Variants in MBNL2 observed in about 807,000 individuals in gnomAD.
The protein encoded by MBNL2 is muscleblind-like protein 2.
In MBNL2, 17 loss-of-function variants were observed where a neutral mutation model predicts 41.9. The observed-to-expected ratio is 0.41, with a 90% CI of 0.28 to 0.61. The LOEUF (loss-of-function observed/expected upper bound fraction) is 0.61, where lower values mean the gene tolerates loss of function less well. MBNL2 is among the 20% of genes least tolerant of loss of function. MBNL2 has a pLI of 0.35. For synonymous variants in MBNL2, 195 were observed against 182.9 expected, an observed-to-expected ratio of 1.07 and a Z score of -0.53; for missense variants, 336 against 505.6, an observed-to-expected ratio of 0.66 and a Z score of 3.22.
intron 3 of MBNL2, among the ~76,000 whole-genome samples, chr13:97,339,684 A>T (rs1296183203): frequency 1.3e-5 from 2 of 151,928 alleles, no homozygotes; most frequent in African/African-American, 4.8e-5. Flanking sequence ...GTTGGCCGAG[A>T]TTCTACCTCG....
At chr13:97,231,979 C>T (rs914012269) in intron 1 of MBNL2, among the ~76,000 whole-genome samples, 3 of 152,126 alleles carry the variant, frequency 2.0e-5, no homozygotes, top group South Asian at 2.1e-4. Context: ...ATGTAGATAG[C>T]GCCATTCTCT....
At chr13:97,358,152 C>G (rs9556710) in intron 7 of MBNL2, among the ~76,000 whole-genome samples, 25,259 of 152,126 alleles carry the variant, frequency 0.17, 3,596 homozygotes, top group African/African-American at 0.38. Context: ...GTATATAGAG[C>G]TCTTATCCTC....
chr13:97,293,868 C>T (rs1395982906), intron 2 of MBNL2, among the ~76,000 whole-genome samples: 3 of 151,992 alleles, frequency 2.0e-5, no homozygotes, highest in East Asian at 3.9e-4. Context: ...AAGTTCTTTA[C>T]TGGTGATTTG....
the MBNL2 span, among the ~76,000 whole-genome samples, chr13:97,209,788 CTTTTTA>C: frequency 4.6e-5 from 7 of 152,164 alleles, no homozygotes; most frequent in East Asian, 5.8e-4. Flanking sequence ...ACACTGACTT[CTTTTTA>C]TTTTTATTTT....
At chr13:97,169,582 G>A in the MBNL2 span, among the ~76,000 whole-genome samples, 2 of 152,158 alleles carry the variant, frequency 1.3e-5, no homozygotes, top group African/African-American at 2.4e-5. Context: ...AAAGCGTTTT[G>A]TGTTTCTAAA....
chr13:97,176,753 C>A, the MBNL2 span, among the ~76,000 whole-genome samples: 1 of 152,144 alleles, frequency 6.6e-6, no homozygotes, highest in Non-Finnish European at 1.5e-5. Flanking sequence ...CCTTAATAGC[C>A]TTTTCCTACC....
chr13:97,284,034 C>T (rs1160764980), intron 2 of MBNL2, among the ~76,000 whole-genome samples: 1 of 152,152 alleles, frequency 6.6e-6, no homozygotes, highest in Non-Finnish European at 1.5e-5. Flanking sequence ...CAGCAAGATG[C>T]CTACATTCTA....
chr13:97,249,136 G>A (rs4771987), intron 1 of MBNL2, among the ~76,000 whole-genome samples: 72,367 of 152,084 alleles, frequency 0.48, 21,048 homozygotes, highest in Non-Finnish European at 0.62. Flanking sequence ...TATATGATAT[G>A]CCTACTATAT....
chr13:97,151,769 G>T, the MBNL2 span, among the ~76,000 whole-genome samples: 3 of 152,126 alleles, frequency 2.0e-5, no homozygotes, highest in African/African-American at 7.2e-5. Flanking sequence ...TGTTTAAGCA[G>T]CCAGGATAAT....
chr13:97,207,317 G>A, the MBNL2 span, among the ~76,000 whole-genome samples: 4 of 152,248 alleles, frequency 2.6e-5, no homozygotes, highest in East Asian at 3.9e-4. Flanking sequence ...GTATTAGTCC[G>A]TTTTCATGCT....
At chr13:97,281,909 C>T (rs1437809113) in intron 2 of MBNL2, among the ~76,000 whole-genome samples, 4 of 152,200 alleles carry the variant, frequency 2.6e-5, no homozygotes, top group African/African-American at 9.7e-5. Context: ...GGCCTCACTC[C>T]AGGTAAGTGT....
At chr13:97,323,552 A>G (rs1471778231) in intron 2 of MBNL2, among the ~76,000 whole-genome samples, 1 of 152,212 alleles carries the variant, frequency 6.6e-6, no homozygotes, top group Admixed American at 6.5e-5. Flanking sequence ...TAAAGTATAT[A>G]GGAAGATGTG....
the MBNL2 span, among the ~76,000 whole-genome samples, chr13:97,215,073 C>A: frequency 1.2e-4 from 19 of 152,332 alleles, no homozygotes; most frequent in South Asian, 3.3e-3. Flanking sequence ...ATAGGCTTCG[C>A]CCCCATCTCC....
chr13:97,286,440 G>C (rs2054457306), intron 2 of MBNL2, among the ~76,000 whole-genome samples: 1 of 152,110 alleles, frequency 6.6e-6, no homozygotes, highest in African/African-American at 2.4e-5. Flanking sequence ...GACCACCCCA[G>C]TCCAAACCAC....
At chr13:97,337,062 T>C (rs754150670) in intron 3 of MBNL2, among the ~76,000 whole-genome samples, 2 of 152,144 alleles carry the variant, frequency 1.3e-5, no homozygotes, top group South Asian at 2.1e-4. Flanking sequence ...AAAATTCACG[T>C]TGAGTCCTAA....
chr13:97,212,725 A>G, the MBNL2 span, among the ~76,000 whole-genome samples: 1 of 152,214 alleles, frequency 6.6e-6, no homozygotes, highest in Non-Finnish European at 1.5e-5. Context: ...TGCTTGACTC[A>G]GTATAATCAC....
intron 1 of MBNL2, among the ~76,000 whole-genome samples, chr13:97,250,943 A>G (rs927420697): frequency 2.0e-5 from 3 of 152,054 alleles, no homozygotes; most frequent in Non-Finnish European, 4.4e-5. Context: ...TCTCCAGCCA[A>G]CTTTTTCTTT....
chr13:97,190,574 G>A, the MBNL2 span, among the ~76,000 whole-genome samples: 1 of 152,124 alleles, frequency 6.6e-6, no homozygotes, highest in Non-Finnish European at 1.5e-5. Flanking sequence ...AGGTCAAAAG[G>A]CTATAATTTT....
chr13:97,218,445 A>AAAAAAAAAC (rs2040592007), upstream of MBNL2, among the ~76,000 whole-genome samples: 1 of 69,362 alleles, frequency 1.4e-5, no homozygotes, highest in Non-Finnish European at 3.7e-5. Context: ...CAAAACAAAA[A>AAAAAAAAAC]AAAAAAACTG....
Sources: gnomAD v4.1 joint callset for allele counts (sites outside exome capture counted in the v4.1 genomes callset) on GRCh38, gnomAD v4.1.1 for gene constraint, MANE v1.5 for transcripts, NCBI Gene and HGNC (gene_info 2026-07-23, HGNC 2026-07-21) for gene names.